The following ZNF423 variants were observed in gnomAD, a reference collection of about 807,000 sequenced individuals.
ZNF423 encodes the protein zinc finger protein 423.
Under a neutral mutation model 95.8 loss-of-function variants are expected in ZNF423, and 12 were observed. The ratio of observed to expected loss-of-function variants is 0.13; its 90% CI spans 0.08 to 0.20. The LOEUF is 0.20. Ranked by LOEUF, ZNF423 falls within the 10% of genes least tolerant of loss-of-function variation. The pLI, the probability that ZNF423 is intolerant of heterozygous loss-of-function variation, is 1.00. For synonymous variants in ZNF423, 749 were observed against 711.9 expected (o/e 1.05, Z -0.83); for missense variants, 1,316 against 1,737.1 (o/e 0.76, Z 4.31).
At chr16:49,655,993 T>A (rs1455121812) in intron 3 of ZNF423, among the ~76,000 whole-genome samples, 1 of 152,112 alleles carries the variant, frequency 6.6e-6, no homozygotes, top group African/African-American at 2.4e-5. Context: ...CAAGTGTCTG[T>A]CCCACCTCCC....
chr16:49,664,364 G>T, intron 3 of ZNF423: 1 of 905,794 alleles, frequency 1.1e-6, no homozygotes, highest in Non-Finnish European at 1.3e-6. Flanking sequence ...GAAGAAAAGG[G>T]GCTGGGAAAA....
chr16:49,599,622 A>T (rs949428801), intron 5 of ZNF423, among the ~76,000 whole-genome samples: 1 of 152,222 alleles, frequency 6.6e-6, no homozygotes, highest in African/African-American at 2.4e-5. Context: ...ACCCAGCAAC[A>T]GTAAAATGCA....
rs767884892 is a variant in ZNF423 at position 49,523,699 on chromosome 16, G to C, written c.3774C>G (p.Ala1258=). ...AGATCTTGTCCTCCTGCCCGTGCAC[G>C]GCAAAGATGTGCTGCTGCAACTTGT... ...QANKLQQHIF[A]VHGQEDKIYD... Residue 1258 remains alanine, a synonymous_variant, in exon 7 of 8, where the codon GCC becomes GCG. Coordinates refer to ENST00000563137, the MANE Select transcript of ZNF423 (RefSeq NM_001379286.1). 16 of 1,614,058 alleles carry C rather than the reference G, an allele frequency of 9.9e-6. No individual in the cohort carries two copies. Among genetic ancestry groups the C allele is most frequent in the Non-Finnish European group, 1.4e-5 (16 of 1,180,030 alleles).
intron 3 of ZNF423, among the ~76,000 whole-genome samples, chr16:49,645,464 G>A (rs1002220312): frequency 6.6e-6 from 1 of 152,244 alleles, no homozygotes; most frequent in African/African-American, 2.4e-5. Flanking sequence ...TGTCTGCCAT[G>A]AGCAGAGACA....
At chr16:49,524,955 A>C (rs1424873616) in intron 6 of ZNF423, among the ~76,000 whole-genome samples, 1 of 152,188 alleles carries the variant, frequency 6.6e-6, no homozygotes, top group Non-Finnish European at 1.5e-5. Context: ...TAGGCCAGGG[A>C]AGGGGGAACC....
At chr16:49,759,442 C>T (rs575856553) in intron 2 of ZNF423, among the ~76,000 whole-genome samples, 3 of 152,146 alleles carry the variant, frequency 2.0e-5, no homozygotes, top group Admixed American at 6.5e-5. Context: ...TGCCTAGGTG[C>T]AATGCAACCC....
At chr16:49,677,277 A>AGAAGGGAAGGGAAGGGAAGG (rs2031115992) in intron 3 of ZNF423, among the ~76,000 whole-genome samples, 3 of 77,546 alleles carry the variant, frequency 3.9e-5, no homozygotes, top group Non-Finnish European at 7.9e-5. Flanking sequence ...AGAAGAGAAG[A>AGAAGGGAAGGGAAGGGAAGG]GAAGAGAAGA....
intron 2 of ZNF423, among the ~76,000 whole-genome samples, chr16:49,747,069 C>A (rs963686295): frequency 6.6e-6 from 1 of 152,090 alleles, no homozygotes; most frequent in Non-Finnish European, 1.5e-5. Context: ...TTGAGCCATG[C>A]CCTTCGACTC....
At chr16:49,671,290 C>CT (rs960767936) in intron 3 of ZNF423, among the ~76,000 whole-genome samples, 11 of 152,204 alleles carry the variant, frequency 7.2e-5, no homozygotes, top group African/African-American at 2.7e-4. Flanking sequence ...GGGGTCCCCT[C>CT]TGATCTTGTT....
intron 7 of ZNF423, among the ~76,000 whole-genome samples, chr16:49,510,458 A>G (rs1426074570): frequency 6.6e-6 from 1 of 152,186 alleles, no homozygotes; most frequent in Non-Finnish European, 1.5e-5. Context: ...GTGCTTCCTG[A>G]GTGCTGCTAG....
At chr16:49,548,525 T>A (rs945285887) in intron 5 of ZNF423, among the ~76,000 whole-genome samples, 1 of 151,294 alleles carries the variant, frequency 6.6e-6, no homozygotes, top group Non-Finnish European at 1.5e-5. Flanking sequence ...AAAAAAAAAA[T>A]CCAAGCAAAT....
intron 1 of ZNF423, among the ~76,000 whole-genome samples, chr16:49,848,800 T>G (rs1597062228): frequency 1.3e-5 from 2 of 152,140 alleles, no homozygotes. Context: ...CGGACGGAGT[T>G]TCCTGATGGA....
Position 49,636,970 on chromosome 16 carries a change from C to A in ZNF423, c.2206G>T (p.Val736Phe), listed in dbSNP as rs1972749197. ...TGGATGGACACCTTGGAGTCGAAGA[C>A]CTCCTGACACAGGGTGCAGTGGTAC... ...VLYHCTLCQE[V>F]FDSKVSIQVH... Residue 736 changes from valine (V) to phenylalanine (F), a missense_variant, in exon 4 of 8, where the codon GTC becomes TTC. Physicochemically the swap from Val to Phe is conservative, Grantham distance 50. Transcript: ENST00000563137. The surrounding 1 kb of genome is among the most constrained non-coding windows in gnomAD (Gnocchi z 8.6). The A allele has an allele frequency of 6.2e-7, 1 of 1,613,772 alleles. No homozygotes were observed.
chr16:49,611,203 A>AT (rs1971709390), intron 5 of ZNF423, among the ~76,000 whole-genome samples: 1 of 152,050 alleles, frequency 6.6e-6, no homozygotes, highest in South Asian at 2.1e-4. Context: ...CAGAATGCAC[A>AT]TTTTTTCAAA....
intron 3 of ZNF423, among the ~76,000 whole-genome samples, chr16:49,648,627 G>C (rs1973270214): frequency 6.6e-6 from 1 of 151,602 alleles, no homozygotes; most frequent in Non-Finnish European, 1.5e-5. Context: ...ACTCCAGCCT[G>C]GGTGACAGAG....
chr16:49,696,578 T>C (rs1443519636), intron 3 of ZNF423, among the ~76,000 whole-genome samples: 1 of 152,138 alleles, frequency 6.6e-6, no homozygotes, highest in African/African-American at 2.4e-5. Flanking sequence ...CTAGCCCCTT[T>C]GAAGTGCCCA....
At chr16:49,823,522 C>T (rs1304967235) in intron 1 of ZNF423, among the ~76,000 whole-genome samples, 1 of 152,098 alleles carries the variant, frequency 6.6e-6, no homozygotes, top group Non-Finnish European at 1.5e-5. Flanking sequence ...GTGTTCCTAA[C>T]CAGAGTCCTA....
intron 2 of ZNF423, among the ~76,000 whole-genome samples, chr16:49,770,750 T>C (rs1332292033): frequency 6.6e-6 from 1 of 151,992 alleles, no homozygotes; most frequent in Non-Finnish European, 1.5e-5. Flanking sequence ...CAAGAGATCA[T>C]CTCCGGGCCC....
intron 5 of ZNF423, among the ~76,000 whole-genome samples, chr16:49,600,914 A>G (rs1477648938): frequency 1.3e-5 from 2 of 150,670 alleles, no homozygotes; most frequent in African/African-American, 4.9e-5. Context: ...TCCCCTTAAC[A>G]CTCAGCTGCC....
Sources: allele counts gnomAD v4.1 joint callset (sites outside exome capture counted in the v4.1 genomes callset), GRCh38; gene constraint gnomAD v4.1.1; non-coding constraint Gnocchi (gnomAD v3.1); transcripts MANE v1.5; gene names NCBI Gene and HGNC (gene_info 2026-07-23, HGNC 2026-07-21).